The following NTM variants were observed in gnomAD, a reference collection of about 807,000 sequenced individuals.
The protein encoded by NTM is neurotrimin, also known as IgLON family member 2.
Under a neutral mutation model 42.1 loss-of-function variants are expected in NTM, and 13 were observed. That is an observed-to-expected ratio of 0.31 (90% CI 0.20 to 0.49). The LOEUF (loss-of-function observed/expected upper bound fraction) is 0.49, where lower values mean the gene tolerates loss of function less well. Among genes scored for constraint, NTM ranks in the 20% least tolerant of loss-of-function variants. NTM has a pLI of 0.99. For synonymous variants in NTM, 187 were observed against 179.2 expected (o/e 1.04, Z -0.35); for missense variants, 373 against 452.8 (o/e 0.82, Z 1.60).
chr11:131,461,651 T>A (rs1054941772), intron 1 of NTM, among the ~76,000 whole-genome samples: 2 of 152,158 alleles, frequency 1.3e-5, no homozygotes, highest in Admixed American at 6.5e-5. Context: ...TTAATAATAA[T>A]GCATTGTATA....
chr11:132,005,524 G>T (rs779100426), intron 2 of NTM, among the ~76,000 whole-genome samples: 1 of 152,150 alleles, frequency 6.6e-6, no homozygotes, highest in Non-Finnish European at 1.5e-5. Context: ...ATGAATGAAT[G>T]TTGGAAGGAA....
intron 1 of NTM, among the ~76,000 whole-genome samples, chr11:131,395,257 C>T (rs1319582209): frequency 6.6e-6 from 1 of 152,056 alleles, no homozygotes; most frequent in Non-Finnish European, 1.5e-5. Context: ...GTTGAAGTCC[C>T]CAAGGAAACT....
rs1491147601 is a variant in NTM, at chr11:131,696,786, C to CACACACAA, written c.83-214771_83-214770insAACACACA. Among the ~76,000 whole-genome samples the CACACACAA allele has an allele frequency of 0.01, 981 of 96,016 alleles. 10 individuals carry two copies. In the African/African-American group the frequency reaches 0.11, roughly 10 times the overall value. 63.0% of individuals were successfully genotyped at this position (96,016 alleles called of 152,430 possible). On this transcript the variant is annotated intron_variant, in intron 1 of 8. Coordinates refer to ENST00000683400, the MANE Select transcript of NTM (RefSeq NM_001352005.2). The stretch of plus-strand genomic sequence containing the variant: ...TCTCAAACAGGCACACCCACGCATG[C>CACACACAA]ACACACACACACACACACACACACA...
intron 1 of NTM, among the ~76,000 whole-genome samples, chr11:131,632,260 G>C (rs532122067): frequency 6.6e-6 from 1 of 151,902 alleles, no homozygotes; most frequent in South Asian, 2.1e-4. Flanking sequence ...TGTTTTTCTC[G>C]GCACTGACTA....
chr11:132,126,539 C>G (rs949795499), intron 2 of NTM, among the ~76,000 whole-genome samples: 12 of 152,222 alleles, frequency 7.9e-5, no homozygotes, highest in Admixed American at 4.6e-4. Context: ...CCTCCCATGG[C>G]GGGGGCAGGA....
At chr11:131,509,833 A>T (rs2048006193) in intron 1 of NTM, among the ~76,000 whole-genome samples, 1 of 152,240 alleles carries the variant, frequency 6.6e-6, no homozygotes, top group Non-Finnish European at 1.5e-5. Flanking sequence ...GTTTAACTGA[A>T]GGTTCATGTT....
intron 2 of NTM, among the ~76,000 whole-genome samples, chr11:132,114,055 C>G (rs992497775): frequency 1.3e-5 from 2 of 152,116 alleles, no homozygotes; most frequent in Non-Finnish European, 2.9e-5. Context: ...TCATCATCAA[C>G]AAATTTTTCT....
At chr11:131,783,191 T>C (rs1029447433) in intron 1 of NTM, among the ~76,000 whole-genome samples, 3 of 152,066 alleles carry the variant, frequency 2.0e-5, no homozygotes, top group Non-Finnish European at 4.4e-5. Context: ...TGGCAACCAA[T>C]TGGAAAATTT....
chr11:131,727,990 G>A (rs781732938), intron 1 of NTM, among the ~76,000 whole-genome samples: 2 of 152,114 alleles, frequency 1.3e-5, no homozygotes, highest in Non-Finnish European at 2.9e-5. Context: ...ATGTAGAGTC[G>A]AGGTCAGAGT....
chr11:131,424,179 C>A (rs1947817267), intron 1 of NTM, among the ~76,000 whole-genome samples: 2 of 151,900 alleles, frequency 1.3e-5, no homozygotes, highest in East Asian at 3.9e-4. Flanking sequence ...AGCACTAATG[C>A]AGAATAGGAA....
chr11:131,691,121 G>A (rs73583678), intron 1 of NTM, among the ~76,000 whole-genome samples: 1,871 of 152,288 alleles, frequency 0.012, 46 homozygotes, highest in African/African-American at 0.042. Context: ...CCTGGGCTGT[G>A]CTCTAAGCAA....
intron 1 of NTM, among the ~76,000 whole-genome samples, chr11:131,512,744 C>T (rs911054966): frequency 2.6e-5 from 4 of 152,152 alleles, no homozygotes; most frequent in African/African-American, 7.2e-5. Context: ...CTGGCCTTCT[C>T]GCTTCCACTC....
chr11:132,021,867 T>C (rs1025828578), intron 2 of NTM, among the ~76,000 whole-genome samples: 2 of 152,204 alleles, frequency 1.3e-5, no homozygotes, highest in African/African-American at 4.8e-5. Flanking sequence ...CTGAGTCCTG[T>C]CATGTCCTTT....
At chr11:131,747,435 G>A (rs1223945255) in intron 1 of NTM, among the ~76,000 whole-genome samples, 4 of 152,126 alleles carry the variant, frequency 2.6e-5, no homozygotes, top group Non-Finnish European at 5.9e-5. Context: ...CCTTTTGCTT[G>A]CCATTCAAGC....
At chr11:131,835,906 A>T (rs2043424143) in intron 1 of NTM, among the ~76,000 whole-genome samples, 1 of 152,214 alleles carries the variant, frequency 6.6e-6, no homozygotes. Context: ...TACACATGTC[A>T]TAGAAGAGTG....
chr11:131,983,901 G>A (rs2065661776), intron 2 of NTM, among the ~76,000 whole-genome samples: 1 of 152,148 alleles, frequency 6.6e-6, no homozygotes, highest in African/African-American at 2.4e-5. Flanking sequence ...AAAGGAAGAG[G>A]ACAGAATATA....
At chr11:131,804,435 G>T in intron 1 of NTM, among the ~76,000 whole-genome samples, 1 of 151,932 alleles carries the variant, frequency 6.6e-6, no homozygotes, top group East Asian at 1.9e-4. Context: ...ATCTTCACGC[G>T]CACCCAGCTT....
chr11:131,873,664 CACATATATATAT>C (rs2048122743), intron 1 of NTM, among the ~76,000 whole-genome samples: 3 of 114,688 alleles, frequency 2.6e-5, no homozygotes, highest in African/African-American at 1.1e-4. Context: ...CATATATATA[CACATATATATAT>C]ACACACATAT....
At chr11:131,518,568 C>T (rs1256199508) in intron 1 of NTM, among the ~76,000 whole-genome samples, 2 of 152,164 alleles carry the variant, frequency 1.3e-5, no homozygotes, top group Non-Finnish European at 2.9e-5. Context: ...CACTGCTACA[C>T]CATTGGGGAG....
Sources: allele counts gnomAD v4.1 joint callset (sites outside exome capture counted in the v4.1 genomes callset), GRCh38; gene constraint gnomAD v4.1.1; transcripts MANE v1.5; gene names NCBI Gene and HGNC (gene_info 2026-07-23, HGNC 2026-07-21).